TEX30: variants seen among roughly 807,000 people sequenced by gnomAD.
The protein encoded by TEX30 is testis expressed 30.
Under a neutral mutation model 23.8 loss-of-function variants are expected in TEX30, and 14 were observed. That is an observed-to-expected ratio of 0.59 (90% CI 0.39 to 0.92). The LOEUF (loss-of-function observed/expected upper bound fraction) is 0.92. TEX30 is among the 40% of genes least tolerant of loss of function. TEX30 has a pLI of 0.00. For synonymous variants in TEX30, 78 were observed against 90.2 expected (o/e 0.87, Z 0.76); for missense variants, 246 against 270.6 (o/e 0.91, Z 0.64).
intron 2 of TEX30, 162 bp from the exon 3 acceptor site, chr13:102,769,703 G>C (rs1046439331): frequency 1.8e-6 from 1 of 571,406 alleles, no homozygotes; most frequent in East Asian, 3.1e-5. Context: ...TTACTGTGTC[G>C]GGTATTATTA....
rs965740221 is a variant in TEX30 at position 102,769,696 on chromosome 13, C to T, written c.16-155G>A. The stretch of plus-strand genomic sequence containing the variant: ...ATTAATAATAGTAGTTAAGTGCTTA[C>T]TGTGTCGGGTATTATTATAAGTGCT... On this transcript the variant is annotated intron_variant, in intron 2 of 5. Coordinates refer to ENST00000376032, the MANE Select transcript of TEX30 (RefSeq NM_138779.5). 11 of 586,424 alleles carry T rather than the reference C, an allele frequency of 1.9e-5. No individual in the cohort carries two copies. In the East Asian group the frequency reaches 2.7e-4, roughly 14 times the overall value. The allele number at this position is 586,424 out of a possible 1,614,324, so 36.3% of individuals were successfully genotyped here.
At chr13:102,770,638 G>A (rs952058503) in intron 1 of TEX30, 2 of 152,172 alleles carry the variant, frequency 1.3e-5, no homozygotes, top group African/African-American at 4.8e-5. Context: ...CTTCTGAGCT[G>A]AGGCATGGCA....
At chr13:102,772,960 A>G (rs1349104449) in intron 1 of TEX30, among the ~76,000 whole-genome samples, 2 of 152,242 alleles carry the variant, frequency 1.3e-5, no homozygotes, top group East Asian at 3.9e-4. Context: ...GATGGTGAAG[A>G]TGACCGGCTA....
intron 3 of TEX30, 68 bp from the exon 4 acceptor site, chr13:102,768,379 G>T: frequency 9.0e-7 from 1 of 1,115,970 alleles, no homozygotes; most frequent in South Asian, 1.5e-5. Flanking sequence ...AAGATATATT[G>T]TTTCTCATCA....
At position 102,766,347 on chromosome 13, in the gene TEX30, T is replaced by C. The variant is rs1791174928; in HGVS notation, c.*54A>G. 2.8e-6 allele frequency: 4 copies of C among 1,451,872 alleles called. No individual in the cohort carries two copies. The highest frequency in any genetic ancestry group is 3.8e-6 in the Non-Finnish European group (4 of 1,052,890). The allele number at this position is 1,451,872 out of a possible 1,614,324, so 89.9% of individuals were successfully genotyped here. Reference sequence around the variant, plus strand: ...ATATATCTCACAATGCTGAGAGGCATACTCTTCTTTATCAAATTAACTGTA... The same window carrying C: ...ATATATCTCACAATGCTGAGAGGCACACTCTTCTTTATCAAATTAACTGTA... On this transcript the variant is annotated 3_prime_UTR_variant, in exon 6 of 6. Transcript: ENST00000376032.
chr13:102,766,383 A>C lies in TEX30; in HGVS notation c.*18T>G, dbSNP rs1394238942. ...ATCAAATTAACTGTATGTGTACTCA[A>C]GATAACATGGCTTTTAACTAATGAC... On this transcript the variant is annotated 3_prime_UTR_variant, in exon 6 of 6. Coordinates refer to ENST00000376032, the MANE Select transcript of TEX30 (RefSeq NM_138779.5). The C allele has an allele frequency of 1.9e-5, 30 of 1,607,288 alleles. No individual in the cohort carries two copies. The highest frequency in any genetic ancestry group is 2.5e-5 in the Non-Finnish European group (29 of 1,175,122).
chr13:102,768,962 T>G (rs1316655695), intron 3 of TEX30, among the ~76,000 whole-genome samples: 1 of 152,230 alleles, frequency 6.6e-6, no homozygotes. Flanking sequence ...CTAAATAACA[T>G]ATACAGAAAA....
Position 102,767,389 on chromosome 13 carries a change from T to C in TEX30, c.388A>G (p.Ile130Val). Reference protein sequence around the residue: ...GDDFVRGLICISYPLHHPKQQ... With the variant: ...GDDFVRGLICVSYPLHHPKQQ... ...TTTGGATGGTGCAGTGGGTAAGAAA[T>C]ACAAATGAGACCCCGAACAAAATCA... Residue 130 changes from isoleucine (I) to valine (V), a missense_variant, in exon 5 of 6, where the codon ATT becomes GTT. Coordinates refer to ENST00000376032, the MANE Select transcript of TEX30 (RefSeq NM_138779.5). 6.2e-7 allele frequency: 1 copy of C among 1,614,124 alleles called. No homozygotes were observed. Among genetic ancestry groups the C allele is most frequent in the South Asian group, 1.1e-5 (1 of 91,082 alleles).
chr13:102,766,353 T>A lies in TEX30; in HGVS notation c.*48A>T, dbSNP rs752341940. The A allele has an allele frequency of 3.3e-6, 5 of 1,507,220 alleles. No homozygotes were observed. In the Middle Eastern group the frequency reaches 7.7e-4, roughly 233 times the overall value. 93.4% of individuals were successfully genotyped at this position (1,507,220 alleles called of 1,614,324 possible). On this transcript the variant is annotated 3_prime_UTR_variant, in exon 6 of 6. Transcript: ENST00000376032. ...CTCACAATGCTGAGAGGCATACTCT[T>A]CTTTATCAAATTAACTGTATGTGTA...
At position 102,770,471 on chromosome 13, in the gene TEX30, T is replaced by C. The variant is rs74859407; in HGVS notation, c.-60-385A>G. 3.1e-3 allele frequency among the ~76,000 whole-genome samples: 465 copies of C among 152,336 alleles called. 2 individuals carry two copies. The highest frequency in any genetic ancestry group is 0.011 in the African/African-American group (448 of 41,562). On this transcript the variant is annotated intron_variant, in intron 1 of 5. Coordinates refer to ENST00000376032, the MANE Select transcript of TEX30 (RefSeq NM_138779.5). ...TCTTTCCATTAACCCATTTTCTTCA[T>C]CATTATAGTTCCCAAGCCTACCCAT...
intron 2 of TEX30, chr13:102,769,744 C>A: frequency 1.9e-6 from 1 of 533,050 alleles, no homozygotes; most frequent in Non-Finnish European, 3.2e-6. Context: ...ACTTATTTCA[C>A]TTTTCTAACA....
At chr13:102,769,220 T>G (rs2139036986) in intron 3 of TEX30, 91 bp downstream of exon 3, 2 of 998,690 alleles carry the variant, frequency 2.0e-6, no homozygotes, top group South Asian at 3.8e-5. Context: ...ATTTTTTAAA[T>G]TAAACCAGAT....
Position 102,767,317 on chromosome 13 carries a change from G to T in TEX30, c.460C>A (p.Pro154Thr). The stretch of plus-strand genomic sequence containing the variant: ...GCTGAGCCTGACACAAACAGTACAG[G>T]CTCTTTTAAACGAAAGAGGTCTTCA... ...RDEDLFRLKE[P>T]VLFVSGSADE... The change falls in exon 5 of 6, where the codon CCT becomes ACT. Residue 154 changes from proline (P) to threonine (T), a missense_variant. Pro to Thr is a conservative substitution (Grantham distance 38). Transcript: ENST00000376032. 1 of 1,613,976 alleles carries T rather than the reference G, an allele frequency of 6.2e-7. No homozygotes were observed. The highest frequency in any genetic ancestry group is 8.5e-7 in the Non-Finnish European group (1 of 1,180,028).
At chr13:102,768,786 A>G (rs1877089478) in intron 3 of TEX30, among the ~76,000 whole-genome samples, 1 of 152,138 alleles carries the variant, frequency 6.6e-6, no homozygotes, top group Admixed American at 6.5e-5. Context: ...ATGACACCTG[A>G]TAAGCTTAAA....
rs1455468730 is a variant in TEX30 at position 102,773,766 on chromosome 13, G to C, written c.-145C>G. 1 of 152,078 alleles carries C rather than the reference G, an allele frequency of 6.6e-6. No homozygotes were observed. 9.4% of individuals were successfully genotyped at this position (152,078 alleles called of 1,614,324 possible). ...CTAGCGCGCTCGAAGCGACCGCCTCGCCTGCCCCGCCACAGCGTTCGGCTA... is the reference window on the plus strand; with the variant it reads ...CTAGCGCGCTCGAAGCGACCGCCTCCCCTGCCCCGCCACAGCGTTCGGCTA... On this transcript the variant is annotated 5_prime_UTR_variant, in exon 1 of 6. Transcript: ENST00000376032.
At chr13:102,769,870 C>T (rs1877194920) in intron 2 of TEX30, 142 bp downstream of exon 2, 1 of 688,832 alleles carries the variant, frequency 1.5e-6, no homozygotes. Context: ...GGGTAGTCTG[C>T]TCTAGATTCC....
At chr13:102,767,211 C>T in intron 5 of TEX30, 62 bp downstream of exon 5, 1 of 1,508,146 alleles carries the variant, frequency 6.6e-7, no homozygotes, top group Non-Finnish European at 9.1e-7. Flanking sequence ...AAGTATCTTG[C>T]TCCCAAGATA....
intron 1 of TEX30, among the ~76,000 whole-genome samples, chr13:102,771,207 G>A (rs975376680): frequency 2.6e-5 from 4 of 152,004 alleles, no homozygotes; most frequent in Non-Finnish European, 5.9e-5. Context: ...TGTGTCAAAG[G>A]GTTTGTTCAT....
At chr13:102,769,808 G>C in intron 2 of TEX30, 2 of 524,022 alleles carry the variant, frequency 3.8e-6, no homozygotes, top group Non-Finnish European at 6.5e-6. Flanking sequence ...AGGCACAGCA[G>C]ATTAAGTAAC....
Sources: gnomAD v4.1 joint callset for allele counts (sites outside exome capture counted in the v4.1 genomes callset) on GRCh38, gnomAD v4.1.1 for gene constraint, MANE v1.5 for transcripts, NCBI Gene and HGNC (gene_info 2026-07-23, HGNC 2026-07-21) for gene names.